The following CALCRL variants were observed in gnomAD, a reference collection of about 807,000 sequenced individuals.
The protein encoded by CALCRL is calcitonin gene-related peptide type 1 receptor.
In CALCRL, 27 loss-of-function variants were observed where a neutral mutation model predicts 60.4. The ratio of observed to expected loss-of-function variants is 0.45; its 90% CI spans 0.33 to 0.62. CALCRL has a LOEUF of 0.62. CALCRL is among the 20% of genes least tolerant of loss of function. The probability of loss-of-function intolerance (pLI) is 0.03; values close to 1 mark genes in which losing one functional copy is unlikely to be tolerated. For synonymous variants in CALCRL, 190 were observed against 182.6 expected (o/e 1.04, Z -0.33); for missense variants, 424 against 540.7 (o/e 0.78, Z 2.14).
Position 187,433,717 on chromosome 2 carries a change from T to C in CALCRL, c.-293+14322A>G, listed in dbSNP as rs1278349851. ...AGGGATAACACCTATACTTTCTTGA[T>C]ATAATGTTGCCATGGTGAAATATAA... On this transcript the variant is annotated intron_variant, in intron 1 of 14. Coordinates refer to ENST00000392370, the MANE Select transcript of CALCRL (RefSeq NM_005795.6). Among the ~76,000 whole-genome samples the C allele has an allele frequency of 2.0e-5, 3 of 152,188 alleles. No individual in the cohort carries two copies. In the East Asian group the frequency reaches 5.8e-4, roughly 29 times the overall value.
intron 1 of CALCRL, among the ~76,000 whole-genome samples, chr2:187,401,115 A>G: frequency 6.6e-6 from 1 of 151,618 alleles, no homozygotes; most frequent in East Asian, 1.9e-4. Context: ...AGTAGGGAAC[A>G]TATTGAATTG....
chr2:187,369,912 G>C (rs1458599939), intron 8 of CALCRL, among the ~76,000 whole-genome samples: 1 of 152,146 alleles, frequency 6.6e-6, no homozygotes, highest in Non-Finnish European at 1.5e-5. Context: ...AAGTTTCTGA[G>C]GGGCAAGAAC....
chr2:187,370,802 A>T (rs1299840544), intron 8 of CALCRL, among the ~76,000 whole-genome samples: 3 of 152,198 alleles, frequency 2.0e-5, no homozygotes, highest in Non-Finnish European at 4.4e-5. Context: ...TTTATTATAT[A>T]ACTAAAATGG....
chr2:187,372,318 A>ATT lies in CALCRL; in HGVS notation c.500+6620_500+6621dup, dbSNP rs35705097. On this transcript the variant is annotated intron_variant, in intron 8 of 14. Coordinates refer to ENST00000392370, the MANE Select transcript of CALCRL (RefSeq NM_005795.6). ...TTTGTAACTAATTCCAGTAGAGTTT[A>ATT]TTTTTTTTTTTTATCTAAAGGGTTC... Among the ~76,000 whole-genome samples the ATT allele has an allele frequency of 1.6e-3, 238 of 147,872 alleles. 5 individuals are homozygous for ATT. The highest frequency in any genetic ancestry group is 4.1e-3 in the South Asian group (19 of 4,674).
intron 1 of CALCRL, among the ~76,000 whole-genome samples, chr2:187,440,783 T>G (rs187153566): frequency 6.6e-6 from 1 of 152,252 alleles, no homozygotes; most frequent in Admixed American, 6.5e-5. Context: ...TATATTAATT[T>G]TATGATCAAA....
intron 1 of CALCRL, among the ~76,000 whole-genome samples, chr2:187,426,287 T>G (rs1430372922): frequency 6.6e-6 from 1 of 151,712 alleles, no homozygotes; most frequent in African/African-American, 2.4e-5. Flanking sequence ...TGTAAATCTC[T>G]TCTAATCTTT....
rs958909836 is a variant in CALCRL at position 187,342,584 on chromosome 2, A to G, written c.*3600T>C. Among the ~76,000 whole-genome samples the G allele has an allele frequency of 6.6e-6, 1 of 151,580 alleles. No homozygotes were observed. Among genetic ancestry groups the G allele is most frequent in the Non-Finnish European group, 1.5e-5 (1 of 67,616 alleles). ...AATATTCTTTCTTTGAGATTAGTAT[A>G]ATCACAAGGAGGAGAGATTATAAGA... On this transcript the variant is annotated 3_prime_UTR_variant, in exon 15 of 15. Coordinates refer to ENST00000392370, the MANE Select transcript of CALCRL (RefSeq NM_005795.6).
intron 1 of CALCRL, among the ~76,000 whole-genome samples, chr2:187,400,162 C>T (rs1688826890): frequency 6.6e-6 from 1 of 151,332 alleles, no homozygotes; most frequent in South Asian, 2.1e-4. Context: ...CTAACTTGAT[C>T]ACTACACATT....
intron 1 of CALCRL, among the ~76,000 whole-genome samples, chr2:187,431,973 G>A (rs1376158322): frequency 6.6e-6 from 1 of 152,048 alleles, no homozygotes; most frequent in Non-Finnish European, 1.5e-5. Flanking sequence ...CAGGAGAATG[G>A]TCATTTTTAG....
At chr2:187,361,896 G>T (rs908233717) in intron 9 of CALCRL, among the ~76,000 whole-genome samples, 1 of 151,764 alleles carries the variant, frequency 6.6e-6, no homozygotes, top group Admixed American at 6.6e-5. Flanking sequence ...TGCAGAATAC[G>T]TAACATTAAA....
chr2:187,389,255 T>C (rs1217408285), intron 1 of CALCRL, among the ~76,000 whole-genome samples: 1 of 152,064 alleles, frequency 6.6e-6, no homozygotes, highest in Admixed American at 6.6e-5. Context: ...GTATTTTTAG[T>C]AGAGACAGGG....
At chr2:187,399,620 T>C (rs994378149) in intron 1 of CALCRL, among the ~76,000 whole-genome samples, 6 of 151,504 alleles carry the variant, frequency 4.0e-5, no homozygotes, top group Admixed American at 6.6e-5. Context: ...ATAGCTAGAA[T>C]ATACAAATAA....
At chr2:187,377,777 G>T (rs1011159198) in intron 8 of CALCRL, among the ~76,000 whole-genome samples, 4 of 152,030 alleles carry the variant, frequency 2.6e-5, no homozygotes, top group East Asian at 1.9e-4. Flanking sequence ...TTATTTAGCT[G>T]CTCAAATGAT....
chr2:187,346,516 T>C (rs1686282119), intron 14 of CALCRL, 117 bp from the exon 15 acceptor site: 17 of 649,370 alleles, frequency 2.6e-5, no homozygotes, highest in Non-Finnish European at 3.4e-5. Context: ...AAAAAAGTTA[T>C]GTTAATCAGT....
chr2:187,437,433 T>C (rs1690694295), intron 1 of CALCRL, among the ~76,000 whole-genome samples: 1 of 152,144 alleles, frequency 6.6e-6, no homozygotes, highest in South Asian at 2.1e-4. Flanking sequence ...AGACGGGGTT[T>C]CTTTCAAGGC....
rs1313008625 is a variant in CALCRL at position 187,380,717 on chromosome 2, C to T, written c.255G>A (p.Met85Ile). The T allele has an allele frequency of 1.9e-6, 3 of 1,614,082 alleles. No individual in the cohort carries two copies. The African/African-American group carries it at 4.0e-5, about 22-fold the overall frequency. ...WNDVAAGTES[M>I]QLCPDYFQDF... ...CCTGAAAGTAATCAGGGCAGAGCTGCATTGATTCAGTTCCTGCTGCAACAT... is the reference window on the plus strand; with the variant it reads ...CCTGAAAGTAATCAGGGCAGAGCTGTATTGATTCAGTTCCTGCTGCAACAT... The change falls in exon 6 of 15, where the codon ATG becomes ATA. Residue 85 changes from methionine (M) to isoleucine (I), a missense_variant. Coordinates refer to ENST00000392370, the MANE Select transcript of CALCRL (RefSeq NM_005795.6).
intron 1 of CALCRL, among the ~76,000 whole-genome samples, chr2:187,447,746 A>G (rs1361330936): frequency 6.6e-6 from 1 of 152,102 alleles, no homozygotes; most frequent in Admixed American, 6.6e-5. Flanking sequence ...TTTAAAAGAC[A>G]TTGTTCTGTG....
chr2:187,348,859 C>T (rs564584630), intron 14 of CALCRL, among the ~76,000 whole-genome samples: 1 of 151,618 alleles, frequency 6.6e-6, no homozygotes, highest in East Asian at 1.9e-4. Flanking sequence ...GAGAAAAAAT[C>T]AGTAGGAGCA....
At chr2:187,391,092 C>T (rs1688421832) in intron 1 of CALCRL, among the ~76,000 whole-genome samples, 1 of 152,086 alleles carries the variant, frequency 6.6e-6, no homozygotes, top group African/African-American at 2.4e-5. Flanking sequence ...AGCTGAAAGT[C>T]AACTTAGATA....
Sources: gnomAD v4.1 joint callset for allele counts (sites outside exome capture counted in the v4.1 genomes callset) on GRCh38, gnomAD v4.1.1 for gene constraint, MANE v1.5 for transcripts, NCBI Gene and HGNC (gene_info 2026-07-23, HGNC 2026-07-21) for gene names.